The following TAF2 variants were observed in gnomAD, a reference collection of about 807,000 sequenced individuals.
TAF2 encodes transcription initiation factor TFIID subunit 2.
TAF2 carries 61 observed loss-of-function variants against 138.5 expected under a neutral mutation model. That is an observed-to-expected ratio of 0.44 (90% confidence interval 0.36 to 0.54). The LOEUF (loss-of-function observed/expected upper bound fraction) is 0.54. TAF2 is among the 20% of genes least tolerant of loss of function. The pLI, the probability that TAF2 is intolerant of heterozygous loss-of-function variation, is 0.00. For missense variants in TAF2, 1,090 were observed against 1,427.9 expected, an observed-to-expected ratio of 0.76 and a Z score of 3.81; for synonymous variants, 475 against 469.9, an observed-to-expected ratio of 1.01 and a Z score of -0.14.
intron 23 of TAF2, among the ~76,000 whole-genome samples, 179 bp downstream of exon 23, chr8:119,746,526 G>C (rs1159187879): frequency 6.6e-6 from 1 of 152,008 alleles, no homozygotes; most frequent in Non-Finnish European, 1.5e-5. Flanking sequence ...CAGTTTTATA[G>C]TTGCCAGTAG....
intron 25 of TAF2, among the ~76,000 whole-genome samples, chr8:119,737,557 G>A (rs1819307090): frequency 6.9e-6 from 1 of 144,782 alleles, no homozygotes; most frequent in Non-Finnish European, 1.5e-5. Flanking sequence ...CGCCCAGGCT[G>A]GAGTACAGTG....
intron 3 of TAF2, among the ~76,000 whole-genome samples, chr8:119,807,535 T>C (rs970737080): frequency 3.3e-5 from 5 of 152,308 alleles, no homozygotes; most frequent in African/African-American, 1.2e-4. Context: ...CACATCCTCG[T>C]TGTACACCTT....
At chr8:119,753,722 A>G (rs531590490) in intron 22 of TAF2, among the ~76,000 whole-genome samples, 2 of 152,230 alleles carry the variant, frequency 1.3e-5, no homozygotes, top group Admixed American at 1.3e-4. Context: ...AAATTGTCTC[A>G]TTAATCTTGA....
At chr8:119,799,699 T>C (rs1210364107) in intron 6 of TAF2, among the ~76,000 whole-genome samples, 5 of 152,366 alleles carry the variant, frequency 3.3e-5, no homozygotes, top group East Asian at 1.9e-4. Context: ...ATGGTATTTC[T>C]AGTTCTAGAT....
intron 9 of TAF2, among the ~76,000 whole-genome samples, chr8:119,794,333 T>G (rs924467073): frequency 3.3e-5 from 5 of 151,228 alleles, no homozygotes; most frequent in African/African-American, 1.2e-4. Context: ...GAGGCAGAGG[T>G]TGCAGTGAGC....
intron 23 of TAF2, 117 bp from the exon 24 acceptor site, chr8:119,744,510 TAAAA>T: frequency 1.2e-6 from 1 of 833,952 alleles, no homozygotes; most frequent in Non-Finnish European, 2.0e-6. Flanking sequence ...CATATAATCT[TAAAA>T]TAAAAAGTAG....
At chr8:119,799,508 T>C (rs1824089300) in intron 6 of TAF2, among the ~76,000 whole-genome samples, 1 of 152,204 alleles carries the variant, frequency 6.6e-6, no homozygotes, top group Non-Finnish European at 1.5e-5. Flanking sequence ...GGCTGCATAG[T>C]ATTCCATGAT....
intron 18 of TAF2, among the ~76,000 whole-genome samples, chr8:119,772,146 C>CAT (rs1375860558): frequency 6.6e-6 from 1 of 152,102 alleles, no homozygotes; most frequent in African/African-American, 2.4e-5. Flanking sequence ...AGAGATACAA[C>CAT]ATACCAAAAC....
chr8:119,731,757 A>G lies in TAF2; in HGVS notation c.*167T>C. 1.4e-6 allele frequency: 1 copy of G among 699,138 alleles called. No individual in the cohort carries two copies. Among genetic ancestry groups the G allele is most frequent in the Non-Finnish European group, 2.5e-6 (1 of 407,134 alleles). 43.3% of individuals were successfully genotyped at this position (699,138 alleles called of 1,614,324 possible). ...AACACATTTTCCTAATTAGATCCCAACTGTATAAATAACATAAATCAAATG... is the reference window on the plus strand; with the variant it reads ...AACACATTTTCCTAATTAGATCCCAGCTGTATAAATAACATAAATCAAATG... On this transcript the variant is annotated 3_prime_UTR_variant, in exon 26 of 26. Coordinates refer to ENST00000378164, the MANE Select transcript of TAF2 (RefSeq NM_003184.4).
At position 119,793,416 on chromosome 8, in the gene TAF2, AG is replaced by A; in HGVS notation, c.1226del (p.Thr409MetfsTer27). 6.2e-7 allele frequency: 1 copy of A among 1,613,084 alleles called. No individual in the cohort carries two copies. The highest frequency in any genetic ancestry group is 8.5e-7 in the Non-Finnish European group (1 of 1,179,344). ...LDKIVAYELK[T>X]GGVLLHPIFG... The stretch of plus-strand genomic sequence containing the variant: ...ATATGGGATGTAGTAAAACCCCACC[AG>A]TTTTTAGTTCATATGCCACTATTTT... On this transcript the variant is annotated frameshift_variant, in exon 10 of 26. Transcript: ENST00000378164. LOFTEE classifies it high-confidence loss of function.
At chr8:119,818,634 C>A (rs755800212) in intron 3 of TAF2, among the ~76,000 whole-genome samples, 5 of 151,972 alleles carry the variant, frequency 3.3e-5, no homozygotes, top group Non-Finnish European at 7.4e-5. Context: ...CTACTTATGA[C>A]TGCAAAATGC....
intron 6 of TAF2, among the ~76,000 whole-genome samples, chr8:119,800,370 A>G (rs1268669772): frequency 6.6e-6 from 1 of 152,206 alleles, no homozygotes; most frequent in African/African-American, 2.4e-5. Flanking sequence ...ATGGCTAGCC[A>G]GTTTTCCCAG....
chr8:119,822,387 TA>T (rs1483962660), intron 2 of TAF2, among the ~76,000 whole-genome samples: 2 of 151,968 alleles, frequency 1.3e-5, no homozygotes, highest in Non-Finnish European at 2.9e-5. Context: ...CACACCTGGT[TA>T]ATTAAAAATT....
intron 25 of TAF2, among the ~76,000 whole-genome samples, chr8:119,738,660 A>G (rs1427005293): frequency 6.6e-6 from 1 of 152,198 alleles, no homozygotes; most frequent in East Asian, 1.9e-4. Context: ...CACCATGGAT[A>G]AGGGTTACCT....
At chr8:119,751,093 T>A (rs1448498465) in intron 22 of TAF2, among the ~76,000 whole-genome samples, 4 of 152,154 alleles carry the variant, frequency 2.6e-5, no homozygotes. Flanking sequence ...AAATCTCCAA[T>A]TCTTAGGTTT....
chr8:119,741,845 A>C (rs538043078), intron 25 of TAF2, among the ~76,000 whole-genome samples: 44 of 152,324 alleles, frequency 2.9e-4, no homozygotes, highest in African/African-American at 9.6e-4. Flanking sequence ...GTTCCTTGAG[A>C]ATTTGAGGAC....
Position 119,731,142 on chromosome 8 carries a change from C to A in TAF2, c.*782G>T, listed in dbSNP as rs1287323028. 6.6e-6 allele frequency: 1 copy of A among 151,972 alleles called. No homozygotes were observed. Among genetic ancestry groups the A allele is most frequent in the Non-Finnish European group, 1.5e-5 (1 of 67,996 alleles). The allele number at this position is 151,972 out of a possible 1,614,324, so 9.4% of individuals were successfully genotyped here. On this transcript the variant is annotated 3_prime_UTR_variant, in exon 26 of 26. Transcript: ENST00000378164. Reference sequence around the variant, plus strand: ...GGGTGTGTAAATTGTCCACATTAAGCAAAACATATTTTACATATGAATATT... The same window carrying A: ...GGGTGTGTAAATTGTCCACATTAAGAAAAACATATTTTACATATGAATATT...
intron 15 of TAF2, 112 bp downstream of exon 15, chr8:119,785,089 T>C (rs1214004269): frequency 3.8e-6 from 3 of 780,556 alleles, no homozygotes; most frequent in South Asian, 3.4e-5. Context: ...ATTAAAATAA[T>C]GTTAAAGCAC....
chr8:119,780,163 TA>T (rs1008726982), intron 17 of TAF2, among the ~76,000 whole-genome samples: 64 of 151,450 alleles, frequency 4.2e-4, no homozygotes, highest in Non-Finnish European at 4.3e-4. Context: ...ATGAAATTAC[TA>T]AAAAAAAACC....
Sources: gnomAD v4.1 joint callset for allele counts (sites outside exome capture counted in the v4.1 genomes callset) on GRCh38, gnomAD v4.1.1 for gene constraint, MANE v1.5 for transcripts, NCBI Gene and HGNC (gene_info 2026-07-23, HGNC 2026-07-21) for gene names.